The following TBX18 variants were observed in gnomAD, a reference collection of about 807,000 sequenced individuals.
The protein encoded by TBX18 is T-box transcription factor 18.
In TBX18, 21 loss-of-function variants were observed where a neutral mutation model predicts 55.0. The ratio of observed to expected loss-of-function variants is 0.38; its 90% CI spans 0.27 to 0.55. The LOEUF is 0.55. Among genes scored for constraint, TBX18 ranks in the 20% least tolerant of loss-of-function variants. TBX18 has a pLI of 0.73. For synonymous variants in TBX18, 342 were observed against 326.1 expected (o/e 1.05, Z -0.53); for missense variants, 840 against 799.6 (o/e 1.05, Z -0.61).
chr6:84,754,072 C>T (rs1459653013), intron 4 of TBX18, among the ~76,000 whole-genome samples: 2 of 152,120 alleles, frequency 1.3e-5, no homozygotes, highest in Non-Finnish European at 2.9e-5. Flanking sequence ...GAAGTACAGG[C>T]AAACACCACC....
intron 6 of TBX18, chr6:84,741,960 G>A (rs373073258): frequency 1.3e-5 from 2 of 151,956 alleles, no homozygotes; most frequent in African/African-American, 2.4e-5. Context: ...ATTTGTCAAC[G>A]GAAAATGTTA....
At chr6:84,760,385 T>C in intron 2 of TBX18, 29 bp from the exon 3 acceptor site, 2 of 1,530,338 alleles carry the variant, frequency 1.3e-6, no homozygotes, top group East Asian at 2.3e-5. Flanking sequence ...AGAAAGAGGG[T>C]TTGGGGTTTT....
At chr6:84,753,868 T>C (rs1406445513) in intron 4 of TBX18, among the ~76,000 whole-genome samples, 5 of 152,178 alleles carry the variant, frequency 3.3e-5, no homozygotes, top group Non-Finnish European at 7.4e-5. Context: ...TCTGTGTTCA[T>C]GGTTTCTTCT....
chr6:84,760,564 A>T (rs1044211996), intron 2 of TBX18, among the ~76,000 whole-genome samples: 1 of 152,228 alleles, frequency 6.6e-6, no homozygotes, highest in Non-Finnish European at 1.5e-5. Flanking sequence ...CCCTGTGTAC[A>T]TGTGTTCTGT....
intron 3 of TBX18, among the ~76,000 whole-genome samples, chr6:84,759,126 T>G (rs1341929690): frequency 1.3e-5 from 2 of 152,164 alleles, no homozygotes; most frequent in Non-Finnish European, 2.9e-5. Context: ...ACTTTAATGT[T>G]TTCTAGCTTC....
chr6:84,737,493 G>T (rs1766913519), intron 7 of TBX18, 84 bp from the exon 8 acceptor site: 1 of 1,414,052 alleles, frequency 7.1e-7, no homozygotes, highest in Admixed American at 2.7e-5. Flanking sequence ...GACACAGCTT[G>T]TTACAAGGCA....
Position 84,763,933 on chromosome 6 carries a change from A to C in TBX18, c.249T>G (p.Ser83=). The C allele has an allele frequency of 2.5e-6, 4 of 1,577,958 alleles. No homozygotes were observed. Among genetic ancestry groups the C allele is most frequent in the Non-Finnish European group, 3.4e-6 (4 of 1,167,802 alleles). The change falls in exon 1 of 8, where the codon TCT becomes TCG. Residue 83 remains serine, a synonymous_variant. Transcript: ENST00000369663. ...AALPPPAGAT[S]GPARSGADLE... The stretch of plus-strand genomic sequence containing the variant: ...GGTCTGCGCCACTCCGAGCCGGCCC[A>C]GACGTCGCCCCAGCCGGCGGCGGGA...
chr6:84,756,931 G>C, intron 3 of TBX18, 62 bp from the exon 4 acceptor site: 1 of 1,463,592 alleles, frequency 6.8e-7, no homozygotes, highest in South Asian at 1.3e-5. Context: ...CAACTCAGTA[G>C]AATCAGACAA....
In TBX18 at chr6:84,732,830, A is replaced by G. The variant is rs1773840313; in HGVS notation, c.*3855T>C. Reference sequence around the variant, plus strand: ...AAAGCCACAGATACAGTATATATATATATATATCCAAAAATAAACAGAATA... The same window carrying G: ...AAAGCCACAGATACAGTATATATATGTATATATCCAAAAATAAACAGAATA... On this transcript the variant is annotated 3_prime_UTR_variant, in exon 8 of 8. Transcript: ENST00000369663. 1 of 151,852 alleles carries G rather than the reference A, an allele frequency of 6.6e-6. No individual in the cohort carries two copies. Among genetic ancestry groups the G allele is most frequent in the Non-Finnish European group, 1.5e-5 (1 of 67,946 alleles). 9.4% of individuals were successfully genotyped at this position (151,852 alleles called of 1,614,324 possible). A position where few individuals can be genotyped will look rare whatever the true frequency, so the allele number is the denominator to read the frequency against.
intron 5 of TBX18, among the ~76,000 whole-genome samples, chr6:84,744,994 C>T (rs755821501): frequency 6.6e-6 from 1 of 152,102 alleles, no homozygotes; most frequent in Non-Finnish European, 1.5e-5. Flanking sequence ...AATCAAATCT[C>T]ATACTAAATG....
At chr6:84,759,590 G>A (rs902164930) in intron 3 of TBX18, among the ~76,000 whole-genome samples, 6 of 150,926 alleles carry the variant, frequency 4.0e-5, no homozygotes, top group South Asian at 2.1e-4. Flanking sequence ...ACTGAAGAAC[G>A]TGTATATTTT....
In TBX18 at chr6:84,736,798, G is replaced by T. The variant is rs752986259; in HGVS notation, c.1711C>A (p.Pro571Thr). 6.2e-7 allele frequency: 1 copy of T among 1,614,064 alleles called. No homozygotes were observed. The highest frequency in any genetic ancestry group is 1.3e-5 in the African/African-American group (1 of 75,018). ...GTMTDRQMLP[P>T]VEGVHLLSSG... is the part of the protein sequence containing the mutation. Reference sequence around the variant, plus strand: ...CTAAGCAGGTGCACTCCTTCCACAGGGGGCAACATCTGCCGATCCGTCATG... The same window carrying T: ...CTAAGCAGGTGCACTCCTTCCACAGTGGGCAACATCTGCCGATCCGTCATG... Residue 571 changes from proline (P) to threonine (T), a missense_variant, in exon 8 of 8, where the codon CCT becomes ACT. Coordinates refer to ENST00000369663, the MANE Select transcript of TBX18 (RefSeq NM_001080508.3).
intron 7 of TBX18, 122 bp downstream of exon 7, chr6:84,738,375 T>C (rs1766940131): frequency 2.4e-6 from 2 of 819,500 alleles, no homozygotes; most frequent in Non-Finnish European, 2.1e-6. Context: ...ATGGAATCTG[T>C]AGGACAATGC....
rs1379210636 is a variant in TBX18 at position 84,736,091 on chromosome 6, T to C, written c.*594A>G. ...CAATTATTATGGGTTATGATTTTTT[T>C]ATAGACCCAAGGTCATATAGTATGT... On this transcript the variant is annotated 3_prime_UTR_variant, in exon 8 of 8. Coordinates refer to ENST00000369663, the MANE Select transcript of TBX18 (RefSeq NM_001080508.3). The C allele has an allele frequency of 6.6e-6, 1 of 152,600 alleles. No individual in the cohort carries two copies. Among genetic ancestry groups the C allele is most frequent in the Non-Finnish European group, 1.5e-5 (1 of 68,024 alleles). 9.5% of individuals were successfully genotyped at this position (152,600 alleles called of 1,614,324 possible).
chr6:84,762,644 G>A lies in TBX18; in HGVS notation c.397C>T (p.Leu133=). ...ACCCGCGGGGCCTGCGGCGAGGGCAGAGGGGTCCCGGGCCGGGCCAGGGAG... is the reference window on the plus strand; with the variant it reads ...ACCCGCGGGGCCTGCGGCGAGGGCAAAGGGGTCCCGGGCCGGGCCAGGGAG... ...ARSLARPGTP[L]PSPQAPRVDL... The change falls in exon 2 of 8, where the codon CTG becomes TTG. Residue 133 remains leucine (L), a synonymous_variant. Transcript: ENST00000369663. 6.2e-7 allele frequency: 1 copy of A among 1,611,996 alleles called. No individual in the cohort carries two copies. Among genetic ancestry groups the A allele is most frequent in the Non-Finnish European group, 8.5e-7 (1 of 1,179,162 alleles).
intron 2 of TBX18, 94 bp from the exon 3 acceptor site, chr6:84,760,450 T>C: frequency 4.2e-6 from 3 of 709,440 alleles, no homozygotes; most frequent in Non-Finnish European, 6.8e-6. Context: ...TGGATCTCTA[T>C]TTTTAATATG....
intron 6 of TBX18, among the ~76,000 whole-genome samples, chr6:84,740,698 G>A (rs1360360631): frequency 6.6e-6 from 1 of 152,090 alleles, no homozygotes; most frequent in Non-Finnish European, 1.5e-5. Flanking sequence ...GAAATACAAC[G>A]ATTTTAAATG....
At chr6:84,762,888 T>C in intron 1 of TBX18, 140 bp from the exon 2 acceptor site, 1 of 775,166 alleles carries the variant, frequency 1.3e-6, no homozygotes, top group South Asian at 1.7e-5. Flanking sequence ...CAGGTCCTCC[T>C]AAAGAACAAG....
chr6:84,757,148 T>C (rs1334032850), intron 3 of TBX18, among the ~76,000 whole-genome samples: 1 of 152,194 alleles, frequency 6.6e-6, no homozygotes, highest in Non-Finnish European at 1.5e-5. Flanking sequence ...GAATGACACT[T>C]ATTCACCCTA....
Sources: gnomAD v4.1 joint callset for allele counts (sites outside exome capture counted in the v4.1 genomes callset) on GRCh38, gnomAD v4.1.1 for gene constraint, MANE v1.5 for transcripts, NCBI Gene and HGNC (gene_info 2026-07-23, HGNC 2026-07-21) for gene names.